The following ATRNL1 variants were observed in gnomAD, a reference collection of about 807,000 sequenced individuals.
ATRNL1 encodes the protein attractin-like protein 1.
A neutral mutation model predicts 182.7 loss-of-function variants in ATRNL1; 95 were observed. That is an observed-to-expected ratio of 0.52 (90% CI 0.44 to 0.62). The LOEUF is 0.62. Among genes scored for constraint, ATRNL1 ranks in the 20% least tolerant of loss-of-function variants. ATRNL1 has a pLI of 0.00. For synonymous variants in ATRNL1, 576 were observed against 568.3 expected (o/e 1.01, Z -0.19); for missense variants, 1,471 against 1,679.5 (o/e 0.88, Z 2.17).
intron 5 of ATRNL1, among the ~76,000 whole-genome samples, chr10:115,149,240 T>C (rs1554880052): frequency 6.6e-6 from 1 of 152,140 alleles, no homozygotes; most frequent in Admixed American, 6.5e-5. Flanking sequence ...AAAATCTCCA[T>C]GTTGAATATA....
At chr10:115,497,194 G>T (rs147098885) in intron 24 of ATRNL1, among the ~76,000 whole-genome samples, 2,405 of 152,228 alleles carry the variant, frequency 0.016, 60 homozygotes, top group Admixed American at 0.074. Flanking sequence ...TTTGTAGTGT[G>T]TTTTGCAACT....
chr10:115,934,049 C>T (rs530501063), intron 28 of ATRNL1, among the ~76,000 whole-genome samples: 3 of 152,090 alleles, frequency 2.0e-5, no homozygotes, highest in South Asian at 2.1e-4. Flanking sequence ...GTGGAGGTAC[C>T]TTTTCCACCT....
chr10:115,239,224 AT>A (rs1418415818), intron 9 of ATRNL1, among the ~76,000 whole-genome samples: 1 of 151,656 alleles, frequency 6.6e-6, no homozygotes, highest in Non-Finnish European at 1.5e-5. Flanking sequence ...ACTAGAGATT[AT>A]TTTATTTTAT....
chr10:115,389,536 A>ATGTG (rs1198746322), intron 19 of ATRNL1, among the ~76,000 whole-genome samples: 8 of 69,062 alleles, frequency 1.2e-4, no homozygotes, highest in African/African-American at 6.8e-4. Flanking sequence ...TCAAATGTGT[A>ATGTG]TGTGTATATA....
At chr10:115,940,249 G>A (rs1401891997) in intron 28 of ATRNL1, among the ~76,000 whole-genome samples, 1 of 152,122 alleles carries the variant, frequency 6.6e-6, no homozygotes, top group Non-Finnish European at 1.5e-5. Flanking sequence ...GTACATATTT[G>A]GTTTCCTCTG....
At chr10:115,934,112 C>T (rs1446503352) in intron 28 of ATRNL1, among the ~76,000 whole-genome samples, 1 of 152,078 alleles carries the variant, frequency 6.6e-6, no homozygotes, top group African/African-American at 2.4e-5. Context: ...ATGGTGGATG[C>T]CCTGGATTGA....
intron 19 of ATRNL1, among the ~76,000 whole-genome samples, chr10:115,377,860 T>A (rs1857765684): frequency 6.6e-6 from 1 of 152,128 alleles, no homozygotes; most frequent in South Asian, 2.1e-4. Flanking sequence ...AAGTATGAAT[T>A]CTCTCCATTT....
At chr10:115,466,244 A>G (rs1043949530) in intron 22 of ATRNL1, among the ~76,000 whole-genome samples, 2 of 151,424 alleles carry the variant, frequency 1.3e-5, no homozygotes, top group African/African-American at 4.8e-5. Context: ...CTGCTTTATC[A>G]TATTTAGAAA....
chr10:115,836,230 G>A (rs1280260002), intron 27 of ATRNL1, among the ~76,000 whole-genome samples: 3 of 152,186 alleles, frequency 2.0e-5, no homozygotes, highest in African/African-American at 7.2e-5. Flanking sequence ...TCAAGTGCAA[G>A]TGACTTGAAT....
intron 27 of ATRNL1, among the ~76,000 whole-genome samples, chr10:115,801,835 A>C (rs1949800029): frequency 1.3e-5 from 2 of 152,138 alleles, no homozygotes; most frequent in Non-Finnish European, 2.9e-5. Context: ...TAAATAATTC[A>C]ACTTTCACAG....
chr10:115,854,083 T>G (rs1486104384), intron 28 of ATRNL1, among the ~76,000 whole-genome samples: 2 of 152,324 alleles, frequency 1.3e-5, no homozygotes, highest in African/African-American at 4.8e-5. Flanking sequence ...GGTTACAGCC[T>G]ATGCAGAGAT....
At chr10:115,454,397 C>G (rs551989474) in intron 21 of ATRNL1, among the ~76,000 whole-genome samples, 1 of 151,828 alleles carries the variant, frequency 6.6e-6, no homozygotes, top group East Asian at 1.9e-4. Flanking sequence ...TTTGGTGGTT[C>G]CATATGAATT....
At chr10:115,817,111 A>G (rs781909035) in intron 27 of ATRNL1, among the ~76,000 whole-genome samples, 3 of 152,030 alleles carry the variant, frequency 2.0e-5, no homozygotes, top group African/African-American at 4.8e-5. Flanking sequence ...CTCCATCTGC[A>G]TGTTTACTTA....
chr10:115,163,425 G>C (rs1013349445), intron 6 of ATRNL1, among the ~76,000 whole-genome samples: 1 of 150,036 alleles, frequency 6.7e-6, no homozygotes, highest in Non-Finnish European at 1.5e-5. Flanking sequence ...GTGCAGTGGC[G>C]TGATCATGGC....
At chr10:115,668,366 C>T (rs1555040360) in intron 26 of ATRNL1, among the ~76,000 whole-genome samples, 1 of 152,148 alleles carries the variant, frequency 6.6e-6, no homozygotes, top group Non-Finnish European at 1.5e-5. Context: ...CTTTATCTTA[C>T]TACCTTATAC....
rs1854719521 is a variant in ATRNL1 at position 115,576,520 on chromosome 10, A to ATT, written c.3795+26986_3795+26987dup. ...GCACTTTTCCATATATCCGTTAGCC[A>ATT]TTTGTATGTCTTATTTGGAGAAATG... On this transcript the variant is annotated intron_variant, in intron 26 of 28. Transcript: ENST00000355044. 2.0e-5 allele frequency among the ~76,000 whole-genome samples: 3 copies of ATT among 151,862 alleles called. No homozygotes were observed. The South Asian group carries it at 6.2e-4, about 31-fold the overall frequency.
chr10:115,578,182 T>C (rs1592883305), intron 26 of ATRNL1, among the ~76,000 whole-genome samples: 1 of 151,826 alleles, frequency 6.6e-6, no homozygotes, highest in African/African-American at 2.4e-5. Context: ...TGTTTGCATG[T>C]ATGTTTAGCA....
At chr10:115,272,768 G>T (rs952409399) in intron 13 of ATRNL1, among the ~76,000 whole-genome samples, 1 of 152,122 alleles carries the variant, frequency 6.6e-6, no homozygotes, top group African/African-American at 2.4e-5. Context: ...ATCATCAAAA[G>T]CCCATTCCAC....
intron 8 of ATRNL1, among the ~76,000 whole-genome samples, chr10:115,195,166 T>G (rs1848313283): frequency 6.6e-6 from 1 of 152,108 alleles, no homozygotes; most frequent in Admixed American, 6.6e-5. Flanking sequence ...AAGCGTATTC[T>G]CTGTATGTTT....
Sources: allele counts gnomAD v4.1 joint callset (sites outside exome capture counted in the v4.1 genomes callset), GRCh38; gene constraint gnomAD v4.1.1; transcripts MANE v1.5; gene names NCBI Gene and HGNC (gene_info 2026-07-23, HGNC 2026-07-21).